The following GAD1 variants were observed in gnomAD, a reference collection of about 807,000 sequenced individuals.
GAD1 encodes glutamate decarboxylase 1, also known as 67 kDa glutamic acid decarboxylase.
In GAD1, 35 loss-of-function variants were observed where a neutral mutation model predicts 75.2. The ratio of observed to expected loss-of-function variants is 0.47; its 90% confidence interval spans 0.36 to 0.62. The LOEUF (loss-of-function observed/expected upper bound fraction) is 0.62. Ranked by LOEUF, GAD1 falls within the 20% of genes least tolerant of loss-of-function variation. GAD1 has a pLI of 0.00. For synonymous variants in GAD1, 257 were observed against 271.9 expected, an observed-to-expected ratio of 0.95 and a Z score of 0.54; for missense variants, 490 against 758.5, an observed-to-expected ratio of 0.65 and a Z score of 4.16.
At chr2:170,827,859 T>C (rs915061737) in intron 3 of GAD1, among the ~76,000 whole-genome samples, 2 of 152,136 alleles carry the variant, frequency 1.3e-5, no homozygotes, top group African/African-American at 2.4e-5. Context: ...ACACAGAAGA[T>C]TGAAGCTTTT....
chr2:170,845,412 C>G (rs1485980997), intron 7 of GAD1, 94 bp from the exon 8 acceptor site: 1 of 1,082,724 alleles, frequency 9.2e-7, no homozygotes, highest in East Asian at 2.4e-5. Context: ...GCTTCCTGAC[C>G]TCCCTTGTCT....
chr2:170,843,223 A>G (rs1229004168), intron 6 of GAD1, among the ~76,000 whole-genome samples: 1 of 152,232 alleles, frequency 6.6e-6, no homozygotes, highest in Non-Finnish European at 1.5e-5. Context: ...AGTCTACCAG[A>G]CTATGCCTCT....
chr2:170,832,083 C>T lies in GAD1; in HGVS notation c.547+891C>T, dbSNP rs10191129. 1.2e-3 allele frequency among the ~76,000 whole-genome samples: 176 copies of T among 152,040 alleles called. 4 individuals are homozygous for T. The East Asian group carries it at 0.031, about 27-fold the overall frequency. On this transcript the variant is annotated intron_variant, in intron 5 of 16. Coordinates refer to ENST00000358196, the MANE Select transcript of GAD1 (RefSeq NM_000817.3). ...TCAGGTCTATTTCATTCTGATAAAT[C>T]CTGCCCTTGCCTGTCCCTGACACTG...
chr2:170,836,995 T>C, intron 6 of GAD1, 112 bp downstream of exon 6: 1 of 738,960 alleles, frequency 1.4e-6, no homozygotes, highest in Non-Finnish European at 2.4e-6. Flanking sequence ...GGTCATTTTT[T>C]CTCTTAAAAT....
intron 3 of GAD1, among the ~76,000 whole-genome samples, chr2:170,823,968 T>C (rs1402298411): frequency 6.6e-6 from 1 of 152,130 alleles, no homozygotes; most frequent in Non-Finnish European, 1.5e-5. Context: ...AAGTGCTTCT[T>C]ATGGGGACAT....
In GAD1 at chr2:170,818,786, C is replaced by A; in HGVS notation, c.82+113C>A. 1 of 1,037,300 alleles carries A rather than the reference C, an allele frequency of 9.6e-7. No individual in the cohort carries two copies. The allele number at this position is 1,037,300 out of a possible 1,614,324, so 64.3% of individuals were successfully genotyped here. A position where few individuals can be genotyped will look rare whatever the true frequency, so the allele number is the denominator to read the frequency against. ...AGGGGGAGCGCGGAGATAATGGAGG[C>A]TGGGAAATAAATGGGGCTCTGACCC... On this transcript the variant is annotated intron_variant, in intron 2 of 16. Transcript: ENST00000358196. The surrounding 1 kb of genome is among the most constrained non-coding windows in gnomAD (Gnocchi z 5.9).
intron 15 of GAD1, 62 bp downstream of exon 15, chr2:170,857,187 T>G: frequency 7.7e-7 from 1 of 1,305,654 alleles, no homozygotes. Flanking sequence ...GGGAAGCTCC[T>G]GAAGCTTCTG....
intron 3 of GAD1, among the ~76,000 whole-genome samples, chr2:170,825,304 G>C (rs1347748229): frequency 6.6e-6 from 1 of 152,108 alleles, no homozygotes; most frequent in Admixed American, 6.5e-5. Context: ...CAGGAGGATC[G>C]CTTGAGCCCA....
In GAD1 at chr2:170,857,106, A is replaced by G. The variant is rs750922452; in HGVS notation, c.1502A>G (p.Glu501Gly). The G allele has an allele frequency of 8.7e-6, 14 of 1,613,730 alleles. No homozygotes were observed. Among genetic ancestry groups the G allele is most frequent in the Non-Finnish European group, 1.2e-5 (14 of 1,179,730 alleles). ...AAGATTAAAAACAGAGAAGAATTTGAGATGGTTTTCAATGGCGAGGTAGGT... is the reference window on the plus strand; with the variant it reads ...AAGATTAAAAACAGAGAAGAATTTGGGATGGTTTTCAATGGCGAGGTAGGT... ...YAKIKNREEF[E>G]MVFNGEPEHT... Residue 501 changes from glutamate to glycine, a missense_variant, in exon 15 of 17, where the codon GAG becomes GGG. Physicochemically the swap from Glu to Gly is moderately conservative, Grantham distance 98. Coordinates refer to ENST00000358196, the MANE Select transcript of GAD1 (RefSeq NM_000817.3).
intron 15 of GAD1, 129 bp from the exon 16 acceptor site, chr2:170,858,675 C>T (rs1453303829): frequency 1.3e-6 from 1 of 785,268 alleles, no homozygotes; most frequent in East Asian, 2.7e-5. Context: ...AGTAACATTG[C>T]CTTTGAGATG....
At position 170,849,332 on chromosome 2, in the gene GAD1, A is replaced by G; in HGVS notation, c.1166A>G (p.Lys389Arg). ...GLLMSRKHRH[K>R]LNGIERANSV... ...CTCATGTCCAGGAAGCACCGCCATA[A>G]ACTCAACGGCATAGAAAGGTAACGG... Residue 389 changes from lysine (K) to arginine (R), a missense_variant, in exon 12 of 17, where the codon AAA (lysine) becomes AGA (arginine). Around this residue, in one of 3 missense-constraint regions of GAD1, gnomAD observed 324 missense variants for 523.9 expected, o/e 0.62. Transcript: ENST00000358196. 1 of 1,613,958 alleles carries G rather than the reference A, an allele frequency of 6.2e-7. No homozygotes were observed. Among genetic ancestry groups the G allele is most frequent in the Non-Finnish European group, 8.5e-7 (1 of 1,179,992 alleles).
chr2:170,845,436 C>A, intron 7 of GAD1, 70 bp from the exon 8 acceptor site: 1 of 1,297,066 alleles, frequency 7.7e-7, no homozygotes, highest in Non-Finnish European at 1.1e-6. Context: ...GAGACACCAG[C>A]TCAGCGTTCG....
intron 2 of GAD1, among the ~76,000 whole-genome samples, chr2:170,821,142 C>T (rs186063925): frequency 4.6e-5 from 7 of 152,274 alleles, no homozygotes; most frequent in East Asian, 1.9e-4. Flanking sequence ...GTAGGGTAAG[C>T]GAGTGCTTGG....
Position 170,845,201 on chromosome 2 carries a change from C to G in GAD1, c.752-305C>G, listed in dbSNP as rs1159549535. ...AGGATATAACTCACCTATCCCTTTG[C>G]AGCCACTGATGCAGCTACCTCTTAT... On this transcript the variant is annotated intron_variant, in intron 7 of 16. Coordinates refer to ENST00000358196, the MANE Select transcript of GAD1 (RefSeq NM_000817.3). 3 of 450,560 alleles carry G rather than the reference C, an allele frequency of 6.7e-6. No homozygotes were observed. In the Admixed American group the frequency reaches 1.0e-4, roughly 15 times the overall value. 27.9% of individuals were successfully genotyped at this position (450,560 alleles called of 1,614,324 possible). A position where few individuals can be genotyped will look rare whatever the true frequency, so the allele number is the denominator to read the frequency against.
chr2:170,859,027 G>A (rs376590286), intron 16 of GAD1, 134 bp downstream of exon 16: 17 of 781,968 alleles, frequency 2.2e-5, no homozygotes, highest in African/African-American at 1.4e-4. Context: ...TAGTAATGGG[G>A]TGGTGGGGAG....
intron 2 of GAD1, among the ~76,000 whole-genome samples, chr2:170,821,270 C>G (rs1476609883): frequency 1.3e-5 from 2 of 152,092 alleles, no homozygotes; most frequent in African/African-American, 4.8e-5. Context: ...AGTTGAACCC[C>G]GAAGGCAGCA....
intron 3 of GAD1, chr2:170,828,918 C>CCTG: frequency 4.7e-6 from 1 of 211,122 alleles, no homozygotes; most frequent in Non-Finnish European, 9.5e-6. Flanking sequence ...CTCTGCTGTC[C>CCTG]TCACCCCTCC....
chr2:170,847,678 A>G lies in GAD1; in HGVS notation c.1005A>G (p.Gly335=). Reference sequence around the variant, plus strand: ...CCTATATCTGTCTTACCTTGTAGGGATATGTTCCCTTTTATGTCAATGCAA... The same window carrying G: ...CCTATATCTGTCTTACCTTGTAGGGGTATGTTCCCTTTTATGTCAATGCAA... ...EAKILEAKQK[G]YVPFYVNATA... is the part of the protein sequence containing the mutation. The change falls in exon 11 of 17, where the codon GGA becomes GGG. Residue 335 remains glycine, a splice_region_variant and synonymous_variant. Transcript: ENST00000358196. 1.9e-6 allele frequency: 3 copies of G among 1,604,068 alleles called. No homozygotes were observed. Among genetic ancestry groups the G allele is most frequent in the Non-Finnish European group, 2.6e-6 (3 of 1,170,828 alleles).
At chr2:170,829,291 G>A (rs970547693) in intron 3 of GAD1, 184 bp from the exon 4 acceptor site, 1 of 647,674 alleles carries the variant, frequency 1.5e-6, no homozygotes, top group Non-Finnish European at 2.7e-6. Context: ...GATGACATTT[G>A]GCACTGCCCC....
Sources: gnomAD v4.1 joint callset for allele counts (sites outside exome capture counted in the v4.1 genomes callset) on GRCh38, gnomAD v4.1.1 for gene constraint, gnomAD v4.1.1 regional missense constraint, Gnocchi (gnomAD v3.1) non-coding constraint, MANE v1.5 for transcripts, NCBI Gene and HGNC (gene_info 2026-07-23, HGNC 2026-07-21) for gene names.